Variants in SLC25A13 observed in about 807,000 individuals in gnomAD.
The protein encoded by SLC25A13 is solute carrier family 25 member 13, also known as electrogenic aspartate/glutamate antiporter SLC25A13, mitochondrial.
In SLC25A13, 70 loss-of-function variants were observed where a neutral mutation model predicts 85.5. The observed-to-expected ratio is 0.82, with a 90% CI of 0.68 to 1.00. The LOEUF is 1.00. Ranked by LOEUF, SLC25A13 falls within the 50% of genes least tolerant of loss-of-function variation. The pLI is 0.00. For synonymous variants in SLC25A13, 259 were observed against 288.7 expected (o/e 0.90, Z 1.04); for missense variants, 765 against 819.8 (o/e 0.93, Z 0.82).
chr7:96,207,377 G>A (rs532421083), intron 5 of SLC25A13, among the ~76,000 whole-genome samples: 7 of 152,148 alleles, frequency 4.6e-5, no homozygotes, highest in South Asian at 2.1e-4. Flanking sequence ...ACCACAACCC[G>A]TGCACCCTCC....
chr7:96,165,507 T>C (rs1397395607), intron 13 of SLC25A13, among the ~76,000 whole-genome samples: 1 of 152,194 alleles, frequency 6.6e-6, no homozygotes, highest in Non-Finnish European at 1.5e-5. Context: ...ACACTTTGAA[T>C]GTAATACTCC....
intron 2 of SLC25A13, among the ~76,000 whole-genome samples, chr7:96,284,545 AT>A (rs1798812653): frequency 6.6e-6 from 1 of 152,060 alleles, no homozygotes; most frequent in Admixed American, 6.6e-5. Context: ...CGCTACAGAG[AT>A]TTAGTTACTT....
chr7:96,300,201 G>A lies in SLC25A13; in HGVS notation c.16-3250C>T, dbSNP rs144045724. Among the ~76,000 whole-genome samples the A allele has an allele frequency of 3.8e-4, 58 of 152,120 alleles. No homozygotes were observed. The East Asian group carries it at 9.7e-3, about 25-fold the overall frequency. On this transcript the variant is annotated intron_variant, in intron 1 of 17. Transcript: ENST00000265631. ...AAGGTGGGAGGATCACTTGAGCCCT[G>A]GAGTTTGAGATTAGCCTGGGCAACA...
chr7:96,157,871 A>G (rs1584387608), intron 13 of SLC25A13, among the ~76,000 whole-genome samples: 1 of 152,168 alleles, frequency 6.6e-6, no homozygotes, highest in East Asian at 1.9e-4. Context: ...AGGCAACACA[A>G]TCCAGAGTTC....
At chr7:96,314,829 C>CT (rs927751469) in intron 1 of SLC25A13, among the ~76,000 whole-genome samples, 9 of 152,138 alleles carry the variant, frequency 5.9e-5, no homozygotes, top group African/African-American at 2.2e-4. Context: ...TGCTCCCTGA[C>CT]TTTTTTACGC....
chr7:96,172,167 T>G (rs570997206), intron 11 of SLC25A13, among the ~76,000 whole-genome samples: 2 of 152,304 alleles, frequency 1.3e-5, no homozygotes, highest in South Asian at 4.2e-4. Flanking sequence ...AGGAGCAGCC[T>G]GAGAGGTCAC....
chr7:96,266,054 G>A (rs528760181), intron 3 of SLC25A13, among the ~76,000 whole-genome samples: 1 of 152,276 alleles, frequency 6.6e-6, no homozygotes, highest in Admixed American at 6.5e-5. Context: ...GTTTCAACAT[G>A]AATTTTGGAG....
Position 96,234,878 on chromosome 7 carries a change from G to T in SLC25A13, c.252C>A (p.Val84=). 1.9e-6 allele frequency: 3 copies of T among 1,613,860 alleles called. No individual in the cohort carries two copies. In the South Asian group the frequency reaches 3.3e-5, roughly 18 times the overall value. Residue 84 remains valine, a synonymous_variant, in exon 4 of 18, where the codon GTC becomes GTA. Transcript: ENST00000265631. ...TAAACAAAGCATCAGGGGCACACAG[G>T]ACAGATTCAAAGGCAACAAATTCTT... ...SFQEFVAFES[V]LCAPDALFMV...
rs370365264 is a variant in SLC25A13 at position 96,311,477 on chromosome 7, G to A, written c.15+10465C>T. Among the ~76,000 whole-genome samples the A allele has an allele frequency of 3.6e-3, 549 of 152,262 alleles. 2 individuals are homozygous for A. The highest frequency in any genetic ancestry group is 6.4e-3 in the Non-Finnish European group (433 of 68,026). On this transcript the variant is annotated intron_variant, in intron 1 of 17. Coordinates refer to ENST00000265631, the MANE Select transcript of SLC25A13 (RefSeq NM_014251.3). ...ACGTAATCAGCAAAGTCCAAATTGT[G>A]GGAAATTACAGGAAAGACGACCCAA...
intron 4 of SLC25A13, among the ~76,000 whole-genome samples, chr7:96,219,154 C>T (rs1796008762): frequency 6.6e-6 from 1 of 152,096 alleles, no homozygotes; most frequent in Admixed American, 6.6e-5. Context: ...CAGAGTCGCT[C>T]AAGAAACTTC....
In SLC25A13 at chr7:96,174,145, C is replaced by T. The variant is rs571414069; in HGVS notation, c.1178-2621G>A. On this transcript the variant is annotated intron_variant, in intron 11 of 17. Coordinates refer to ENST00000265631, the MANE Select transcript of SLC25A13 (RefSeq NM_014251.3). ...AGGTGGGAGCGCCTGTCCCCATCAC[C>T]TTTGGGTCCCACTGAGGCCAGCCTC... 9.2e-5 allele frequency among the ~76,000 whole-genome samples: 14 copies of T among 152,304 alleles called. 2 individuals carry two copies. Among genetic ancestry groups the T allele is most frequent in the African/African-American group, 2.6e-4 (11 of 41,562 alleles).
intron 4 of SLC25A13, among the ~76,000 whole-genome samples, chr7:96,214,720 T>G (rs187436352): frequency 6.6e-6 from 1 of 151,444 alleles, no homozygotes; most frequent in Non-Finnish European, 1.5e-5. Flanking sequence ...GAGACTCCGT[T>G]GCAAAAAAAT....
intron 3 of SLC25A13, among the ~76,000 whole-genome samples, chr7:96,256,605 C>T (rs999633907): frequency 5.9e-5 from 9 of 152,070 alleles, no homozygotes; most frequent in Non-Finnish European, 1.3e-4. Context: ...CTCAGACTCC[C>T]ACACAATAAT....
rs1027963308 is a variant in SLC25A13 at position 96,322,018 on chromosome 7, C to T, written c.-62G>A. On this transcript the variant is annotated 5_prime_UTR_variant, in exon 1 of 18. Transcript: ENST00000265631. The stretch of plus-strand genomic sequence containing the variant: ...GACTGGCTGGCTGGCGTTTGGGACC[C>T]GGGCGGCTCACTTCTAGTCCCGGCG... 2.0e-6 allele frequency: 3 copies of T among 1,529,792 alleles called. No individual in the cohort carries two copies. Among genetic ancestry groups the T allele is most frequent in the Non-Finnish European group, 2.6e-6 (3 of 1,138,594 alleles). The allele number at this position is 1,529,792 out of a possible 1,614,324, so 94.8% of individuals were successfully genotyped here.
chr7:96,287,916 T>C (rs775188441), intron 2 of SLC25A13, among the ~76,000 whole-genome samples: 1 of 152,224 alleles, frequency 6.6e-6, no homozygotes, highest in Non-Finnish European at 1.5e-5. Flanking sequence ...TAGTTACTTT[T>C]CTGCAAGTGA....
At chr7:96,265,354 T>C (rs1370687726) in intron 3 of SLC25A13, among the ~76,000 whole-genome samples, 2 of 152,170 alleles carry the variant, frequency 1.3e-5, no homozygotes, top group African/African-American at 2.4e-5. Flanking sequence ...TCACCACCAA[T>C]GACATCAGAA....
chr7:96,168,097 T>TAAA (rs1584401547), intron 13 of SLC25A13, among the ~76,000 whole-genome samples: 1 of 7,434 alleles, frequency 1.3e-4, no homozygotes, highest in Non-Finnish European at 3.4e-4. Context: ...AAACTCTGTC[T>TAAA]GAAAAAAAAA....
rs141430105 is a variant in SLC25A13 at position 96,175,968 on chromosome 7, A to G, written c.1178-4444T>C. On this transcript the variant is annotated intron_variant, in intron 11 of 17. Coordinates refer to ENST00000265631, the MANE Select transcript of SLC25A13 (RefSeq NM_014251.3). ...CTTGTAGTGACTACCTTGTCTGGTTAAACAGGAAAATGAAGGTGACTGGAT... is the reference window on the plus strand; with the variant it reads ...CTTGTAGTGACTACCTTGTCTGGTTGAACAGGAAAATGAAGGTGACTGGAT... Among the ~76,000 whole-genome samples the G allele has an allele frequency of 7.1e-3, 1,085 of 152,342 alleles. 10 individuals carry two copies. Among genetic ancestry groups the G allele is most frequent in the Non-Finnish European group, 0.012 (846 of 68,028 alleles).
At chr7:96,304,106 A>T (rs1287535972) in intron 1 of SLC25A13, among the ~76,000 whole-genome samples, 3 of 152,138 alleles carry the variant, frequency 2.0e-5, no homozygotes, top group Non-Finnish European at 4.4e-5. Context: ...TATTGAAACC[A>T]CTGAGTCACT....
Sources: allele counts gnomAD v4.1 joint callset (sites outside exome capture counted in the v4.1 genomes callset), GRCh38; gene constraint gnomAD v4.1.1; transcripts MANE v1.5; gene names NCBI Gene and HGNC (gene_info 2026-07-23, HGNC 2026-07-21).